ZNF688: variants seen among roughly 807,000 people sequenced by gnomAD.
The protein encoded by ZNF688 is zinc finger protein 688.
In ZNF688, 10 loss-of-function variants were observed where a neutral mutation model predicts 13.2. The ratio of observed to expected loss-of-function variants is 0.76; its 90% CI spans 0.47 to 1.28. The LOEUF (loss-of-function observed/expected upper bound fraction) is 1.28, where lower values mean the gene tolerates loss of function less well. Among genes scored for constraint, ZNF688 ranks in the 50% most tolerant of loss-of-function variants. ZNF688 has a pLI of 0.00. For missense variants in ZNF688, 381 were observed against 391.4 expected (o/e 0.97, Z 0.22); for synonymous variants, 160 against 159.4 (o/e 1.00, Z -0.03).
chr16:30,571,312 A>C (rs1338267099), intron 1 of ZNF688, 122 bp downstream of exon 1: 1 of 1,537,100 alleles, frequency 6.5e-7, no homozygotes, highest in Admixed American at 2.0e-5. Flanking sequence ...TGGGAACGGG[A>C]GGTGGCTGCT....
chr16:30,573,865 G>T, upstream of ZNF688: 1 of 387,320 alleles, frequency 2.6e-6, no homozygotes, highest in Admixed American at 2.8e-5. Flanking sequence ...TTCTGGAACT[G>T]CCTCACTGCA....
At chr16:30,571,842 A>G (rs902452990), upstream of ZNF688, 1 of 1,293,430 alleles carries the variant, frequency 7.7e-7, no homozygotes, top group Non-Finnish European at 9.7e-7. Context: ...TATTCACTTC[A>G]TGGCCGCTTG....
chr16:30,575,361 C>T (rs2051736301), upstream of ZNF688, among the ~76,000 whole-genome samples: 1 of 151,888 alleles, frequency 6.6e-6, no homozygotes, highest in Non-Finnish European at 1.5e-5. Context: ...ATTTTCCTGC[C>T]TCAGCCTCAC....
chr16:30,571,377 A>C (rs772359961), intron 1 of ZNF688, 57 bp downstream of exon 1: 130 of 1,539,532 alleles, frequency 8.4e-5, no homozygotes, highest in Admixed American at 2.0e-4. Context: ...GCCCTTCTAC[A>C]TCATCTCCCC....
At position 30,571,469 on chromosome 16, in the gene ZNF688, A is replaced by G. The variant is rs1355817208; in HGVS notation, c.161T>C (p.Val54Ala). Reference protein sequence around the residue: ...RPAQRALYRDVMQETYGHLGA... With the variant: ...RPAQRALYRDAMQETYGHLGA... ...CAGGTGGCCGTAGGTCTCCTGCATC[A>G]CGTCCCGGTACAGAGCCCTCTGCGC... Residue 54 changes from valine to alanine, a missense_variant, in exon 1 of 3, where the codon GTG becomes GCG. Val to Ala is a moderately conservative substitution (Grantham distance 64). Coordinates refer to ENST00000223459, the MANE Select transcript of ZNF688 (RefSeq NM_145271.4). 3.8e-6 allele frequency: 6 copies of G among 1,587,032 alleles called. No homozygotes were observed. The Admixed American group carries it at 8.9e-5, about 23-fold the overall frequency.
At chr16:30,574,812 C>T (rs1233817400), upstream of ZNF688, among the ~76,000 whole-genome samples, 1 of 152,112 alleles carries the variant, frequency 6.6e-6, no homozygotes, top group Non-Finnish European at 1.5e-5. Context: ...GTTATCCCTT[C>T]TTCCTAAGTG....
upstream of ZNF688, among the ~76,000 whole-genome samples, chr16:30,573,114 T>A (rs933074576): frequency 6.0e-5 from 9 of 151,044 alleles, no homozygotes; most frequent in South Asian, 4.2e-4. Context: ...CCATATTAAG[T>A]CAGGCTGGTC....
intron 1 of ZNF688, 23 bp from the exon 2 acceptor site, chr16:30,571,146 G>A: frequency 1.3e-6 from 2 of 1,561,970 alleles, no homozygotes. Flanking sequence ...AGGGATCACA[G>A]CGCGGGCCTG....
upstream of ZNF688, among the ~76,000 whole-genome samples, chr16:30,576,323 C>T (rs1372414294): frequency 6.6e-6 from 1 of 152,194 alleles, no homozygotes; most frequent in African/African-American, 2.4e-5. Context: ...GCCATTCTCC[C>T]GCCTCAGCCT....
Position 30,571,697 on chromosome 16 carries a change from A to T in ZNF688, c.-68T>A. ...CCGCCGCCTCCCCGCTCCCGGCCTCAGCTGTCGTTGTCCACAGGAAGGGCG... is the reference window on the plus strand; with the variant it reads ...CCGCCGCCTCCCCGCTCCCGGCCTCTGCTGTCGTTGTCCACAGGAAGGGCG... On this transcript the variant is annotated 5_prime_UTR_variant, in exon 1 of 3. Coordinates refer to ENST00000223459, the MANE Select transcript of ZNF688 (RefSeq NM_145271.4). 1 of 1,359,778 alleles carries T rather than the reference A, an allele frequency of 7.4e-7. No individual in the cohort carries two copies. Among genetic ancestry groups the T allele is most frequent in the South Asian group, 1.8e-5 (1 of 54,094 alleles). 84.2% of individuals were successfully genotyped at this position (1,359,778 alleles called of 1,614,324 possible). A position where few individuals can be genotyped will look rare whatever the true frequency, so the allele number is the denominator to read the frequency against.
At chr16:30,576,135 C>G (rs966096129), upstream of ZNF688, among the ~76,000 whole-genome samples, 2 of 152,118 alleles carry the variant, frequency 1.3e-5, no homozygotes, top group Non-Finnish European at 2.9e-5. Flanking sequence ...GCAACCTCCC[C>G]CTCCTGGGTT....
upstream of ZNF688, among the ~76,000 whole-genome samples, chr16:30,576,202 C>T (rs886103321): frequency 6.6e-6 from 1 of 152,036 alleles, no homozygotes; most frequent in Non-Finnish European, 1.5e-5. Flanking sequence ...CGTGCACCAC[C>T]ATGCCCAGCT....
At chr16:30,571,924 C>T, upstream of ZNF688, 1 of 1,285,240 alleles carries the variant, frequency 7.8e-7, no homozygotes, top group Non-Finnish European at 9.8e-7. Flanking sequence ...TCAATTGTCA[C>T]AGGCTGCTCT....
chr16:30,572,583 T>C (rs1366182443), upstream of ZNF688: 4 of 288,788 alleles, frequency 1.4e-5, no homozygotes, highest in African/African-American at 4.3e-5. Flanking sequence ...CATACATGAA[T>C]TTATTTTTTG....
chr16:30,576,737 T>C (rs2051751260), upstream of ZNF688, among the ~76,000 whole-genome samples: 2 of 152,204 alleles, frequency 1.3e-5, no homozygotes. Context: ...GCATGTTTTA[T>C]TTTGATTCTC....
upstream of ZNF688, among the ~76,000 whole-genome samples, chr16:30,577,482 C>T (rs534614634): frequency 1.3e-5 from 2 of 150,790 alleles, no homozygotes; most frequent in African/African-American, 2.4e-5. Flanking sequence ...CTGGTTCAAG[C>T]GATTCTCTTG....
chr16:30,576,044 C>T (rs192263720), upstream of ZNF688, among the ~76,000 whole-genome samples: 130 of 152,212 alleles, frequency 8.5e-4, 1 homozygote, highest in African/African-American at 3.0e-3. Context: ...ACGATAATAT[C>T]TCATTGTGTG....
chr16:30,570,124 T>A lies in ZNF688; in HGVS notation c.623A>T (p.Glu208Val), dbSNP rs2051647208. ...ACACTCGGGGCAGGGGAAAGGCCGC[T>A]CCCCCGAGTGCATGCGCCTGTGGCT... ...LVSHRRMHSG[E>V]RPFPCPECGM... Residue 208 changes from glutamate (E) to valine (V), a missense_variant, in exon 3 of 3, where the codon GAG becomes GTG. Glu to Val is a moderately radical substitution (Grantham distance 121). Coordinates refer to ENST00000223459, the MANE Select transcript of ZNF688 (RefSeq NM_145271.4). 6.2e-7 allele frequency: 1 copy of A among 1,611,068 alleles called. No individual in the cohort carries two copies. Among genetic ancestry groups the A allele is most frequent in the Non-Finnish European group, 8.5e-7 (1 of 1,178,790 alleles).
rs148016476 is a variant in ZNF688, at chr16:30,571,474, C to T, written c.156G>A (p.Arg52=). The change falls in exon 1 of 3, where the codon CGG becomes CGA. Residue 52 remains arginine (R), a synonymous_variant. Transcript: ENST00000223459. The part of the protein sequence containing the change: ...CLRPAQRALY[R]DVMQETYGHL... ...GGCCGTAGGTCTCCTGCATCACGTC[C>T]CGGTACAGAGCCCTCTGCGCGGGCC... 6.3e-7 allele frequency: 1 copy of T among 1,589,122 alleles called. No homozygotes were observed. Among genetic ancestry groups the T allele is most frequent in the African/African-American group, 1.3e-5 (1 of 74,402 alleles).
Sources: gnomAD v4.1 joint callset for allele counts (sites outside exome capture counted in the v4.1 genomes callset) on GRCh38, gnomAD v4.1.1 for gene constraint, MANE v1.5 for transcripts, NCBI Gene and HGNC (gene_info 2026-07-23, HGNC 2026-07-21) for gene names.